KDM4C: variants seen among roughly 807,000 people sequenced by gnomAD.
KDM4C encodes the protein lysine-specific demethylase 4C.
KDM4C carries 81 observed loss-of-function variants against 129.3 expected under a neutral mutation model. The ratio of observed to expected loss-of-function variants is 0.63; its 90% CI spans 0.52 to 0.75. The LOEUF (loss-of-function observed/expected upper bound fraction) is 0.75, where lower values mean the gene tolerates loss of function less well. Among genes scored for constraint, KDM4C ranks in the 30% least tolerant of loss-of-function variants. The pLI is 0.00. For missense variants in KDM4C, 1,457 were observed against 1,304.0 expected, an observed-to-expected ratio of 1.12 and a Z score of -1.81; for synonymous variants, 573 against 456.1, an observed-to-expected ratio of 1.26 and a Z score of -3.26.
intron 5 of KDM4C, among the ~76,000 whole-genome samples, chr9:6,876,086 T>C (rs1041332736): frequency 2.0e-5 from 3 of 152,182 alleles, no homozygotes; most frequent in African/African-American, 7.2e-5. Flanking sequence ...TGTGCTTTCC[T>C]GGGTTCTTTC....
intron 6 of KDM4C, among the ~76,000 whole-genome samples, chr9:6,880,425 C>T (rs906439392): frequency 5.3e-5 from 8 of 152,022 alleles, no homozygotes; most frequent in South Asian, 2.1e-4. Context: ...TTCTTCCAGA[C>T]GGTATTGTTG....
At chr9:6,780,593 C>T (rs953842749) in intron 1 of KDM4C, among the ~76,000 whole-genome samples, 8 of 151,634 alleles carry the variant, frequency 5.3e-5, no homozygotes, top group Non-Finnish European at 7.4e-5. Flanking sequence ...ATGGCAAAAC[C>T]TTGTCTCTAC....
chr9:6,798,547 G>C (rs1417010743), intron 2 of KDM4C, among the ~76,000 whole-genome samples: 1 of 152,098 alleles, frequency 6.6e-6, no homozygotes, highest in Non-Finnish European at 1.5e-5. Context: ...AGAGAGCACA[G>C]GGTTGGGGGT....
intron 15 of KDM4C, among the ~76,000 whole-genome samples, chr9:7,021,981 C>A (rs199879497): frequency 2.0e-5 from 3 of 151,930 alleles, no homozygotes; most frequent in Non-Finnish European, 4.4e-5. Context: ...ATGGATTTAC[C>A]TCTGGGTTCT....
At chr9:7,031,005 G>A (rs959481069) in intron 15 of KDM4C, among the ~76,000 whole-genome samples, 1 of 151,972 alleles carries the variant, frequency 6.6e-6, no homozygotes, top group African/African-American at 2.4e-5. Context: ...TATTTATTAT[G>A]TACATATAAT....
At chr9:7,119,609 C>T (rs927012514) in intron 18 of KDM4C, among the ~76,000 whole-genome samples, 2 of 151,484 alleles carry the variant, frequency 1.3e-5, no homozygotes, top group African/African-American at 4.8e-5. Flanking sequence ...TTTTTCCTTT[C>T]CGGTCAGGGA....
intron 9 of KDM4C, among the ~76,000 whole-genome samples, chr9:6,981,517 C>T (rs758577180): frequency 5.9e-5 from 9 of 152,204 alleles, no homozygotes; most frequent in Non-Finnish European, 1.2e-4. Flanking sequence ...ATTTGTCCAA[C>T]ATCTGAGCTA....
At chr9:6,790,469 G>C (rs1050141650) in intron 1 of KDM4C, among the ~76,000 whole-genome samples, 1 of 149,638 alleles carries the variant, frequency 6.7e-6, no homozygotes, top group African/African-American at 2.5e-5. Flanking sequence ...AGCCAGGATG[G>C]TCTCCATCTC....
chr9:6,939,976 A>ACCTACCTACCTACCTTCCTT (rs1458974643), intron 8 of KDM4C, among the ~76,000 whole-genome samples: 3 of 93,480 alleles, frequency 3.2e-5, no homozygotes, highest in East Asian at 3.2e-4. Flanking sequence ...CTACCTACCT[A>ACCTACCTACCTACCTTCCTT]CCTTCCTTCC....
At chr9:7,172,730 A>T (rs1205511797) in intron 21 of KDM4C, among the ~76,000 whole-genome samples, 2 of 152,196 alleles carry the variant, frequency 1.3e-5, no homozygotes, top group Non-Finnish European at 2.9e-5. Flanking sequence ...TTTTGTTTTC[A>T]GGCTTCCTTG....
intron 19 of KDM4C, among the ~76,000 whole-genome samples, chr9:7,158,992 T>G (rs1274537164): frequency 6.6e-6 from 1 of 152,216 alleles, no homozygotes; most frequent in Non-Finnish European, 1.5e-5. Context: ...CTTTGTAGTC[T>G]CTAAGGACTT....
At chr9:7,005,700 A>T (rs1821542604) in intron 12 of KDM4C, among the ~76,000 whole-genome samples, 1 of 152,150 alleles carries the variant, frequency 6.6e-6, no homozygotes, top group Admixed American at 6.5e-5. Flanking sequence ...AAGGATCATC[A>T]TGTCCTGAAG....
chr9:7,106,775 G>A (rs1837740635), intron 18 of KDM4C, among the ~76,000 whole-genome samples: 2 of 152,096 alleles, frequency 1.3e-5, no homozygotes, highest in East Asian at 1.9e-4. Flanking sequence ...AGTTGTAGGT[G>A]TGATCCACCG....
At chr9:6,815,714 T>G (rs1430501341) in intron 4 of KDM4C, among the ~76,000 whole-genome samples, 1 of 152,222 alleles carries the variant, frequency 6.6e-6, no homozygotes, top group African/African-American at 2.4e-5. Context: ...TTTGGGATTT[T>G]GGAGCATTTT....
At chr9:7,012,901 T>G (rs1822965154) in intron 13 of KDM4C, among the ~76,000 whole-genome samples, 1 of 152,218 alleles carries the variant, frequency 6.6e-6, no homozygotes, top group African/African-American at 2.4e-5. Context: ...AAATAAACTG[T>G]TCTGTTCAGA....
At chr9:7,004,729 C>A (rs1402990084) in intron 12 of KDM4C, among the ~76,000 whole-genome samples, 1 of 152,058 alleles carries the variant, frequency 6.6e-6, no homozygotes, top group Non-Finnish European at 1.5e-5. Flanking sequence ...AAGGCTAAAC[C>A]TTTTGATGGA....
intron 19 of KDM4C, among the ~76,000 whole-genome samples, chr9:7,155,169 G>A (rs1465164345): frequency 6.6e-6 from 1 of 152,088 alleles, no homozygotes; most frequent in African/African-American, 2.4e-5. Flanking sequence ...TGTGCCCCAG[G>A]GTTGGGAACA....
At chr9:6,983,433 C>T (rs780728334) in intron 9 of KDM4C, among the ~76,000 whole-genome samples, 8 of 152,062 alleles carry the variant, frequency 5.3e-5, no homozygotes, top group Non-Finnish European at 8.8e-5. Flanking sequence ...TGTTGATGTA[C>T]GATGTTAAAT....
chr9:6,952,304 T>C (rs1451295241), intron 8 of KDM4C, among the ~76,000 whole-genome samples: 1 of 151,932 alleles, frequency 6.6e-6, no homozygotes, highest in South Asian at 2.1e-4. Context: ...GTTAGATAAA[T>C]AAATCAATCG....
Sources: allele counts gnomAD v4.1 joint callset (sites outside exome capture counted in the v4.1 genomes callset), GRCh38; gene constraint gnomAD v4.1.1; transcripts MANE v1.5; gene names NCBI Gene and HGNC (gene_info 2026-07-23, HGNC 2026-07-21).